CYP46A1: variants seen among roughly 807,000 people sequenced by gnomAD.
CYP46A1 encodes cytochrome P450 family 46 subfamily A member 1.
CYP46A1 carries 20 observed loss-of-function variants against 63.3 expected under a neutral mutation model. The ratio of observed to expected loss-of-function variants is 0.32; its 90% CI spans 0.22 to 0.46. The LOEUF (loss-of-function observed/expected upper bound fraction) is 0.46, where lower values mean the gene tolerates loss of function less well. CYP46A1 is among the 20% of genes least tolerant of loss of function. The probability of loss-of-function intolerance (pLI) is 1.00; values close to 1 mark genes in which losing one functional copy is unlikely to be tolerated. For synonymous variants in CYP46A1, 268 were observed against 273.6 expected, an observed-to-expected ratio of 0.98 and a Z score of 0.20; for missense variants, 445 against 670.8, an observed-to-expected ratio of 0.66 and a Z score of 3.72.
intron 7 of CYP46A1, chr14:99,712,562 T>C (rs1472516677): frequency 2.0e-5 from 3 of 151,908 alleles, no homozygotes; most frequent in Non-Finnish European, 4.4e-5. Context: ...ATGTAGAAAA[T>C]AAAATACCTA....
In CYP46A1 at chr14:99,718,038, T is replaced by C. The variant is rs867410744; in HGVS notation, c.908-16T>C. The C allele has an allele frequency of 5.0e-6, 8 of 1,610,402 alleles. No individual in the cohort carries two copies. The highest frequency in any genetic ancestry group is 3.3e-4 in the Middle Eastern group (2 of 6,060). On this transcript the variant is annotated splice_polypyrimidine_tract_variant and intron_variant, in intron 9 of 14. Coordinates refer to ENST00000261835, the MANE Select transcript of CYP46A1 (RefSeq NM_006668.2). ...GTGGCCCCATGTGGAGCAACCACCG[T>C]CCTCCCTTCCCACAGGTCACGAGAC...
intron 7 of CYP46A1, 25 bp downstream of exon 7, chr14:99,707,703 T>C (rs1252072707): frequency 6.2e-7 from 1 of 1,605,942 alleles, no homozygotes; most frequent in Non-Finnish European, 8.5e-7. Flanking sequence ...CCCCCTCTGG[T>C]GACCAGCCAC....
rs1251549338 is a variant in CYP46A1, at chr14:99,691,141, C to T, written c.180C>T (p.Leu60=). ...WKKDEVGGRV[L]QDVFLDWAKK... The stretch of plus-strand genomic sequence containing the variant: ...AGGATGAGGTTGGTGGCCGTGTGCT[C>T]CAAGATGTGTTTTTGGATTGGTGGG... Residue 60 remains leucine (L), a synonymous_variant, in exon 2 of 15, where the codon CTC becomes CTT. Coordinates refer to ENST00000261835, the MANE Select transcript of CYP46A1 (RefSeq NM_006668.2). 6.2e-7 allele frequency: 1 copy of T among 1,614,074 alleles called. No individual in the cohort carries two copies. Among genetic ancestry groups the T allele is most frequent in the Non-Finnish European group, 8.5e-7 (1 of 1,180,046 alleles).
At position 99,696,239 on chromosome 14, in the gene CYP46A1, GTAT is replaced by G. The variant is rs112570231; in HGVS notation, c.283-3225_283-3223del. Among the ~76,000 whole-genome samples, 1,014 of 151,930 alleles carry G rather than the reference GTAT, an allele frequency of 6.7e-3. 11 individuals carry two copies. The highest frequency in any genetic ancestry group is 0.023 in the African/African-American group (951 of 41,408). The stretch of plus-strand genomic sequence containing the variant: ...CTTCTTTTGGATTAAGTATGTTTTA[GTAT>G]TCTGTTTCATCTCTACTATTGTCTT... On this transcript the variant is annotated intron_variant, in intron 3 of 14. Coordinates refer to ENST00000261835, the MANE Select transcript of CYP46A1 (RefSeq NM_006668.2).
intron 3 of CYP46A1, among the ~76,000 whole-genome samples, chr14:99,697,040 G>A (rs554233505): frequency 6.6e-6 from 1 of 152,284 alleles, no homozygotes; most frequent in Non-Finnish European, 1.5e-5. Context: ...TGTCTATTCT[G>A]GGTAGTGGAA....
chr14:99,695,299 A>T (rs2056577841), intron 3 of CYP46A1: 1 of 206,678 alleles, frequency 4.8e-6, no homozygotes, highest in Non-Finnish European at 1.0e-5. Flanking sequence ...AATGTCGATT[A>T]GGTCAATTTG....
intron 5 of CYP46A1, among the ~76,000 whole-genome samples, chr14:99,700,319 G>T (rs2056620738): frequency 6.6e-6 from 1 of 152,160 alleles, no homozygotes; most frequent in South Asian, 2.1e-4. Context: ...CCCCCACGCA[G>T]TTTGGGAACA....
intron 5 of CYP46A1, 151 bp from the exon 6 acceptor site, chr14:99,706,496 G>C: frequency 1.1e-6 from 1 of 939,142 alleles, no homozygotes; most frequent in East Asian, 2.5e-5. Context: ...ACTCCAACCT[G>C]CAATCTGGGT....
At chr14:99,693,451 T>C (rs1482481685) in intron 3 of CYP46A1, among the ~76,000 whole-genome samples, 1 of 152,270 alleles carries the variant, frequency 6.6e-6, no homozygotes, top group Admixed American at 6.5e-5. Context: ...TTATACTGAT[T>C]GATTGATATT....
At chr14:99,706,806 A>G (rs773807549) in intron 6 of CYP46A1, 21 bp downstream of exon 6, 12 of 1,610,130 alleles carry the variant, frequency 7.5e-6, no homozygotes, top group Middle Eastern at 2.1e-4. Context: ...ACAGTCGGGC[A>G]TGGGGGCCAG....
intron 3 of CYP46A1, among the ~76,000 whole-genome samples, chr14:99,699,227 C>T (rs1000264443): frequency 2.0e-5 from 3 of 152,124 alleles, no homozygotes; most frequent in East Asian, 1.9e-4. Flanking sequence ...GCCCTCCCCA[C>T]GCTCTCTGAC....
At chr14:99,726,469 A>G in intron 14 of CYP46A1, 88 bp from the exon 15 acceptor site, 1 of 1,346,528 alleles carries the variant, frequency 7.4e-7, no homozygotes, top group Non-Finnish European at 1.0e-6. Context: ...CTCCAGGAGG[A>G]GAGCCGGCTG....
rs1555384068 is a variant in CYP46A1, at chr14:99,722,644, C to CATGTGT, written c.1176+578_1176+579insATGTGT. Among the ~76,000 whole-genome samples the CATGTGT allele has an allele frequency of 1.4e-5, 2 of 142,160 alleles. No individual in the cohort carries two copies. Among genetic ancestry groups the CATGTGT allele is most frequent in the African/African-American group, 5.1e-5 (2 of 39,128 alleles). The allele number at this position is 142,160 out of a possible 152,430, so 93.3% of individuals were successfully genotyped here. A position where few individuals can be genotyped will look rare whatever the true frequency, so the allele number is the denominator to read the frequency against. Reference sequence around the variant, plus strand: ...ATCTGAATTGTGTGTTTGCCATTCCCGTGTGTGTGTGTGTGTGTGTGTGTG... The same window carrying CATGTGT: ...ATCTGAATTGTGTGTTTGCCATTCCCATGTGTGTGTGTGTGTGTGTGTGTGTGTGTG... On this transcript the variant is annotated intron_variant, in intron 12 of 14. Transcript: ENST00000261835. The surrounding 1 kb of genome is among the most constrained non-coding windows in gnomAD (Gnocchi z 4.6).
In CYP46A1 at chr14:99,706,637, G is replaced by A. The variant is rs764349352; in HGVS notation, c.444-10G>A. The A allele has an allele frequency of 6.2e-7, 1 of 1,613,594 alleles. No individual in the cohort carries two copies. The highest frequency in any genetic ancestry group is 8.5e-7 in the Non-Finnish European group (1 of 1,179,872). On this transcript the variant is annotated splice_polypyrimidine_tract_variant and intron_variant, in intron 5 of 14. Coordinates refer to ENST00000261835, the MANE Select transcript of CYP46A1 (RefSeq NM_006668.2). The stretch of plus-strand genomic sequence containing the variant: ...GCCAGTGGCCGTTGATGCCTGTGCT[G>A]TTTCTCCAGCTCCTTGGTTAGCTTA...
intron 1 of CYP46A1, among the ~76,000 whole-genome samples, chr14:99,688,274 G>A (rs374162836): frequency 6.4e-4 from 97 of 152,280 alleles, no homozygotes; most frequent in African/African-American, 2.0e-3. Flanking sequence ...CCACTCACCT[G>A]GCGTGGGCCT....
chr14:99,701,770 C>T (rs932563807), intron 5 of CYP46A1, among the ~76,000 whole-genome samples: 1 of 152,092 alleles, frequency 6.6e-6, no homozygotes, highest in Non-Finnish European at 1.5e-5. Flanking sequence ...TTTTCATCAC[C>T]CTCAAAAGCA....
intron 3 of CYP46A1, 137 bp downstream of exon 3, chr14:99,691,998 G>A (rs2056547895): frequency 2.4e-6 from 2 of 839,526 alleles, no homozygotes; most frequent in Non-Finnish European, 3.8e-6. Flanking sequence ...GATCCAGAAA[G>A]GAATGGCATC....
At position 99,725,119 on chromosome 14, in the gene CYP46A1, G is replaced by A. The variant is rs552248641; in HGVS notation, c.1177-272G>A. 1.2e-4 allele frequency among the ~76,000 whole-genome samples: 18 copies of A among 152,300 alleles called. No homozygotes were observed. Among genetic ancestry groups the A allele is most frequent in the African/African-American group, 3.4e-4 (14 of 41,570 alleles). ...GTCTCAGTTTCCTCATCTGTAAAATGGGGACAATGACGGCTCCCCTACAGG... is the reference window on the plus strand; with the variant it reads ...GTCTCAGTTTCCTCATCTGTAAAATAGGGACAATGACGGCTCCCCTACAGG... On this transcript the variant is annotated intron_variant, in intron 12 of 14. Coordinates refer to ENST00000261835, the MANE Select transcript of CYP46A1 (RefSeq NM_006668.2). This position sits in a 1 kb window ranked among gnomAD's most constrained non-coding sequence, Gnocchi z 4.2.
At chr14:99,692,649 G>A (rs1381478902) in intron 3 of CYP46A1, among the ~76,000 whole-genome samples, 1 of 152,136 alleles carries the variant, frequency 6.6e-6, no homozygotes. Context: ...GGCCAACATG[G>A]TGAAACCCTA....
Sources: gnomAD v4.1 joint callset for allele counts (sites outside exome capture counted in the v4.1 genomes callset) on GRCh38, gnomAD v4.1.1 for gene constraint, Gnocchi (gnomAD v3.1) non-coding constraint, MANE v1.5 for transcripts, NCBI Gene and HGNC (gene_info 2026-07-23, HGNC 2026-07-21) for gene names.